The following PHACTR1 variants were observed in gnomAD, a reference collection of about 807,000 sequenced individuals.
The protein encoded by PHACTR1 is RPEL repeat containing 1.
PHACTR1 carries 16 observed loss-of-function variants against 69.2 expected under a neutral mutation model. The observed-to-expected ratio is 0.23, with a 90% confidence interval of 0.16 to 0.35. The LOEUF (loss-of-function observed/expected upper bound fraction) is 0.35. PHACTR1 is among the 10% of genes least tolerant of loss of function. PHACTR1 has a pLI of 1.00. For missense variants in PHACTR1, 510 were observed against 734.7 expected (o/e 0.69, Z 3.54); for synonymous variants, 312 against 284.5 (o/e 1.10, Z -0.97).
intron 4 of PHACTR1, among the ~76,000 whole-genome samples, chr6:12,910,880 T>A (rs1469542779): frequency 6.6e-6 from 1 of 152,126 alleles, no homozygotes; most frequent in African/African-American, 2.4e-5. Context: ...ACCTTAGAGA[T>A]GGGAAGATGG....
chr6:13,205,713 T>G, intron 7 of PHACTR1, 102 bp from the exon 8 acceptor site: 1 of 1,146,242 alleles, frequency 8.7e-7, no homozygotes, highest in Non-Finnish European at 1.2e-6. Context: ...CCTAAGAGGC[T>G]CAACTCATTG....
At position 12,975,219 on chromosome 6, in the gene PHACTR1, C is replaced by T. The variant is rs1255674552; in HGVS notation, c.251-78146C>T. Among the ~76,000 whole-genome samples, 9 of 152,174 alleles carry T rather than the reference C, an allele frequency of 5.9e-5. No individual in the cohort carries two copies. The East Asian group carries it at 1.7e-3, about 29-fold the overall frequency. On this transcript the variant is annotated intron_variant, in intron 4 of 14. Coordinates refer to ENST00000332995, the MANE Select transcript of PHACTR1 (RefSeq NM_030948.6). ...TTCTTTTAAACTTGCTATGACATTT[C>T]TAGAGATTACAAGGCATTGTTCTGC...
At chr6:12,809,410 C>T (rs1774769756) in intron 4 of PHACTR1, among the ~76,000 whole-genome samples, 1 of 152,186 alleles carries the variant, frequency 6.6e-6, no homozygotes, top group Non-Finnish European at 1.5e-5. Context: ...TAGTACTCTG[C>T]CCTAAGAAGG....
intron 4 of PHACTR1, among the ~76,000 whole-genome samples, chr6:12,880,860 A>G (rs1783022270): frequency 6.8e-6 from 1 of 146,520 alleles, no homozygotes; most frequent in Non-Finnish European, 1.5e-5. Flanking sequence ...TGTTCGCGGA[A>G]CAGGCAAGCT....
At chr6:12,884,139 T>TACCTATGCAAACACATATACATAC (rs1329709968) in intron 4 of PHACTR1, among the ~76,000 whole-genome samples, 159 of 152,242 alleles carry the variant, frequency 1.0e-3, no homozygotes, top group African/African-American at 3.5e-3. Flanking sequence ...TGCATACATA[T>TACCTATGCAAACACATATACATAC]ACCTATGCAA....
At chr6:12,824,915 G>T (rs1776627638) in intron 4 of PHACTR1, among the ~76,000 whole-genome samples, 1 of 152,210 alleles carries the variant, frequency 6.6e-6, no homozygotes. Flanking sequence ...CAGGTGACTT[G>T]TGCTCTCTGT....
intron 4 of PHACTR1, among the ~76,000 whole-genome samples, chr6:12,940,789 A>G (rs1352255818): frequency 6.6e-6 from 1 of 152,188 alleles, no homozygotes; most frequent in Non-Finnish European, 1.5e-5. Context: ...TAGTGGGACT[A>G]TTTTAATGTT....
chr6:12,795,761 CT>C (rs1649822568), intron 4 of PHACTR1, among the ~76,000 whole-genome samples: 1 of 151,322 alleles, frequency 6.6e-6, no homozygotes, highest in Admixed American at 6.6e-5. Flanking sequence ...AATTCTTCCC[CT>C]TTTTAAATAC....
intron 4 of PHACTR1, among the ~76,000 whole-genome samples, chr6:12,897,447 C>T (rs1195460586): frequency 6.6e-6 from 1 of 151,952 alleles, no homozygotes; most frequent in Admixed American, 6.6e-5. Context: ...TGACATTAAA[C>T]ATGCCCAGTC....
intron 4 of PHACTR1, among the ~76,000 whole-genome samples, chr6:12,915,473 C>T (rs534495864): frequency 2.1e-5 from 3 of 145,974 alleles, no homozygotes; most frequent in African/African-American, 7.6e-5. Flanking sequence ...CTCCACTGCA[C>T]TCCAGCCTGG....
intron 4 of PHACTR1, among the ~76,000 whole-genome samples, chr6:12,797,806 A>C (rs1312471951): frequency 1.3e-5 from 2 of 152,076 alleles, no homozygotes; most frequent in African/African-American, 2.4e-5. Context: ...TACATAGAAC[A>C]CTTCTTCCTT....
chr6:12,872,103 T>C (rs1782089661), intron 4 of PHACTR1, among the ~76,000 whole-genome samples: 1 of 152,156 alleles, frequency 6.6e-6, no homozygotes, highest in Admixed American at 6.5e-5. Flanking sequence ...ATGCTAAGGG[T>C]TCTGATTGCT....
At chr6:12,959,207 A>AAAAAG (rs1002101137) in intron 4 of PHACTR1, among the ~76,000 whole-genome samples, 4 of 150,622 alleles carry the variant, frequency 2.7e-5, no homozygotes, top group Non-Finnish European at 4.4e-5. Flanking sequence ...AAAAGAAAAA[A>AAAAAG]AAAAGAAAAG....
chr6:13,231,007 G>GAGAA (rs1177743758), intron 10 of PHACTR1, among the ~76,000 whole-genome samples: 4 of 148,088 alleles, frequency 2.7e-5, no homozygotes, highest in Non-Finnish European at 5.9e-5. Flanking sequence ...CAGAGAGAGA[G>GAGAA]AGAGAGAGAA....
At chr6:12,842,548 T>TTTTATTA (rs892214616) in intron 4 of PHACTR1, among the ~76,000 whole-genome samples, 1 of 152,224 alleles carries the variant, frequency 6.6e-6, no homozygotes, top group African/African-American at 2.4e-5. Context: ...ATTTTTTATT[T>TTTTATTA]TTATTTTGAG....
At chr6:13,181,943 A>G (rs951353224) in intron 6 of PHACTR1, among the ~76,000 whole-genome samples, 9 of 152,228 alleles carry the variant, frequency 5.9e-5, no homozygotes, top group Admixed American at 2.6e-4. Context: ...TTAAAAATAC[A>G]TAGAAAATGG....
rs188866141 is a variant in PHACTR1 at position 12,805,219 on chromosome 6, A to G, written c.250+55429A>G. On this transcript the variant is annotated intron_variant, in intron 4 of 14. Coordinates refer to ENST00000332995, the MANE Select transcript of PHACTR1 (RefSeq NM_030948.6). ...TATCACACTTGAAATTCATCAATTA[A>G]CACATTGTATGGAATTTATTTAACA... is the stretch of plus-strand genomic sequence containing the variant. 6.6e-5 allele frequency among the ~76,000 whole-genome samples: 10 copies of G among 152,318 alleles called. No individual in the cohort carries two copies. In the Middle Eastern group the frequency reaches 0.01, roughly 155 times the overall value.
chr6:13,024,897 A>G (rs1325288083), intron 4 of PHACTR1, among the ~76,000 whole-genome samples: 1 of 152,212 alleles, frequency 6.6e-6, no homozygotes, highest in Non-Finnish European at 1.5e-5. Flanking sequence ...GTAAGACACT[A>G]GAAATGGCTT....
chr6:13,173,986 C>T (rs1225337339), intron 6 of PHACTR1, among the ~76,000 whole-genome samples: 1 of 152,156 alleles, frequency 6.6e-6, no homozygotes, highest in East Asian at 1.9e-4. Context: ...GGATAACAAG[C>T]GTTTTCCATT....
Sources: allele counts gnomAD v4.1 joint callset (sites outside exome capture counted in the v4.1 genomes callset), GRCh38; gene constraint gnomAD v4.1.1; transcripts MANE v1.5; gene names NCBI Gene and HGNC (gene_info 2026-07-23, HGNC 2026-07-21).